UNC79: variants seen among roughly 807,000 people sequenced by gnomAD.
UNC79 encodes the protein unc-79 subunit of NALCN channel complex.
A neutral mutation model predicts 283.1 loss-of-function variants in UNC79; 37 were observed. That is an observed-to-expected ratio of 0.13 (90% CI 0.10 to 0.17). UNC79 has a LOEUF of 0.17. UNC79 is among the 10% of genes least tolerant of loss of function. The pLI is 1.00. For synonymous variants in UNC79, 1,107 were observed against 1,200.2 expected (o/e 0.92, Z 1.61); for missense variants, 2,272 against 3,211.1 (o/e 0.71, Z 7.07).
chr14:93,344,897 C>A (rs1334937257), intron 1 of UNC79, among the ~76,000 whole-genome samples: 1 of 152,028 alleles, frequency 6.6e-6, no homozygotes, highest in Non-Finnish European at 1.5e-5. Flanking sequence ...GCACAGTTGC[C>A]CAGTGGAAAT....
intron 1 of UNC79, among the ~76,000 whole-genome samples, chr14:93,333,977 T>C (rs1214053352): frequency 4.0e-5 from 6 of 151,812 alleles, no homozygotes; most frequent in Non-Finnish European, 7.4e-5. Context: ...TGATAGACAT[T>C]AGCAACTCTG....
chr14:93,572,798 A>G (rs1009331285), exon 16 of UNC79: 2 of 1,613,362 alleles, frequency 1.2e-6, no homozygotes, highest in East Asian at 2.2e-5. Context: ...TGCAGGAGCA[A>G]GCTTTACTGT....
At chr14:93,660,563 A>ATATATATATATATATATGTG (rs1203621990) in intron 39 of UNC79, among the ~76,000 whole-genome samples, 1 of 64,774 alleles carries the variant, frequency 1.5e-5, no homozygotes, top group African/African-American at 6.4e-5. Flanking sequence ...ATATATATAT[A>ATATATATATATATATATGTG]TGTGTGTGTG....
At chr14:93,426,005 G>T (rs1268691278), upstream of UNC79, among the ~76,000 whole-genome samples, 2 of 152,122 alleles carry the variant, frequency 1.3e-5, no homozygotes, top group African/African-American at 4.8e-5. Flanking sequence ...GTGCAAGTCT[G>T]CTGGTGGCAA....
intron 23 of UNC79, among the ~76,000 whole-genome samples, chr14:93,597,124 T>TG (rs1433992723): frequency 6.6e-6 from 1 of 152,058 alleles, no homozygotes; most frequent in African/African-American, 2.4e-5. Context: ...CAAGGCTGCG[T>TG]GGGAAAAAAA....
chr14:93,425,050 C>T (rs1485625776), intron 1 of UNC79, among the ~76,000 whole-genome samples: 2 of 152,012 alleles, frequency 1.3e-5, no homozygotes, highest in Non-Finnish European at 2.9e-5. Context: ...TGTATTAGTC[C>T]ATTTTCATGC....
downstream of UNC79, chr14:93,707,179 G>GA (rs527250244): frequency 0.012 from 4,067 of 332,958 alleles, 13 homozygotes; most frequent in Non-Finnish European, 0.016. Flanking sequence ...TTTTTTTTAA[G>GA]AAAAAAAAAT....
At chr14:93,665,941 A>T (rs2072150852) in intron 40 of UNC79, among the ~76,000 whole-genome samples, 1 of 152,110 alleles carries the variant, frequency 6.6e-6, no homozygotes, top group Non-Finnish European at 1.5e-5. Flanking sequence ...AAATTGGTAC[A>T]GTGTGAAAAT....
chr14:93,691,085 T>G (rs1366093185), intron 45 of UNC79: 1 of 153,844 alleles, frequency 6.5e-6, no homozygotes, highest in African/African-American at 2.4e-5. Flanking sequence ...ATATTTCTAC[T>G]CAGATCCGGG....
intron 40 of UNC79, among the ~76,000 whole-genome samples, chr14:93,673,084 C>A (rs954601754): frequency 6.6e-6 from 1 of 152,118 alleles, no homozygotes; most frequent in Non-Finnish European, 1.5e-5. Context: ...GAATAAGAAC[C>A]AAATACTGGG....
Position 93,387,335 on chromosome 14 carries a change from T to A in UNC79, c.-351+53812T>A, listed in dbSNP as rs575619725. Among the ~76,000 whole-genome samples the A allele has an allele frequency of 9.8e-4, 149 of 152,214 alleles. 1 individual carries two copies. Among genetic ancestry groups the A allele is most frequent in the African/African-American group, 3.4e-3 (140 of 41,566 alleles). On this transcript the variant is annotated intron_variant, in intron 1 of 49. Transcript: ENST00000256339. ...TTCTTTAAGGTGTATCATTAGGTGG[T>A]TTTTTTGAATTTTTTTTTCTTTTTC...
In UNC79 at chr14:93,658,854, T is replaced by TCATC. The variant is rs543094478; in HGVS notation, c.6457-312_6457-309dup. Among the ~76,000 whole-genome samples, 530 of 152,062 alleles carry TCATC rather than the reference T, an allele frequency of 3.5e-3. 5 individuals are homozygous for TCATC. Among genetic ancestry groups the TCATC allele is most frequent in the South Asian group, 0.015 (72 of 4,810 alleles). On this transcript the variant is annotated intron_variant, in intron 38 of 48. Coordinates refer to ENST00000555664, the Ensembl canonical transcript of UNC79. ...TTCTGTTCATTGTCTGTCCATCTAT[T>TCATC]CATCCATCCATCCATCCATCCATCC...
In UNC79 at chr14:93,540,640, A is replaced by G. The variant is rs376942104; in HGVS notation, c.1353-20A>G. 177 of 1,607,314 alleles carry G rather than the reference A, an allele frequency of 1.1e-4. No homozygotes were observed. Among genetic ancestry groups the G allele is most frequent in the Non-Finnish European group, 1.5e-4 (171 of 1,179,030 alleles). Reference sequence around the variant, plus strand: ...GTGTTTTTTCACAGTCTAACTTGAAATCACACTGCTCTTTGGCAGCTTGTT... The same window carrying G: ...GTGTTTTTTCACAGTCTAACTTGAAGTCACACTGCTCTTTGGCAGCTTGTT... On this transcript the variant is annotated intron_variant, in intron 12 of 48. Coordinates refer to ENST00000555664, the Ensembl canonical transcript of UNC79.
At chr14:93,629,936 T>C (rs1186115998) in intron 30 of UNC79, among the ~76,000 whole-genome samples, 1 of 152,190 alleles carries the variant, frequency 6.6e-6, no homozygotes, top group Non-Finnish European at 1.5e-5. Context: ...GGCAACAAGG[T>C]TTGGAAAGAA....
intron 40 of UNC79, among the ~76,000 whole-genome samples, chr14:93,665,234 GAAAAT>G (rs914385788): frequency 2.1e-5 from 3 of 144,948 alleles, no homozygotes; most frequent in African/African-American, 2.5e-5. Context: ...AAAAAAAAAA[GAAAAT>G]AAACCAGACA....
At chr14:93,530,058 C>G (rs978080773) in intron 10 of UNC79, among the ~76,000 whole-genome samples, 3 of 152,080 alleles carry the variant, frequency 2.0e-5, no homozygotes, top group African/African-American at 7.2e-5. Context: ...GATCGGGGCA[C>G]AGGAAGAACT....
At chr14:93,706,261 C>T (rs939811941) in intron 48 of UNC79, among the ~76,000 whole-genome samples, 3 of 152,118 alleles carry the variant, frequency 2.0e-5, no homozygotes, top group South Asian at 2.1e-4. Flanking sequence ...CACTATCCCC[C>T]CTTTACCCAT....
intron 1 of UNC79, among the ~76,000 whole-genome samples, chr14:93,395,179 T>C (rs1566910419): frequency 1.3e-5 from 2 of 152,228 alleles, no homozygotes; most frequent in Admixed American, 1.3e-4. Flanking sequence ...CACTCTTTAA[T>C]ATTTATTTTA....
chr14:93,586,360 A>G (rs1420370791), intron 20 of UNC79, among the ~76,000 whole-genome samples: 1 of 152,258 alleles, frequency 6.6e-6, no homozygotes, highest in Non-Finnish European at 1.5e-5. Flanking sequence ...ATCTGAATAC[A>G]TGATGGACTG....
Sources: allele counts gnomAD v4.1 joint callset (sites outside exome capture counted in the v4.1 genomes callset), GRCh38; gene constraint gnomAD v4.1.1; transcripts MANE v1.5; gene names NCBI Gene and HGNC (gene_info 2026-07-23, HGNC 2026-07-21).